The following CDH4 variants were observed in gnomAD, a reference collection of about 807,000 sequenced individuals.
CDH4 encodes cadherin 4.
In CDH4, 33 loss-of-function variants were observed where a neutral mutation model predicts 86.0. That is an observed-to-expected ratio of 0.38 (90% CI 0.29 to 0.51). The LOEUF (loss-of-function observed/expected upper bound fraction) is 0.51, where lower values mean the gene tolerates loss of function less well. CDH4 is among the 20% of genes least tolerant of loss of function. CDH4 has a pLI of 0.86. For synonymous variants in CDH4, 555 were observed against 549.4 expected (o/e 1.01, Z -0.14); for missense variants, 1,114 against 1,307.4 (o/e 0.85, Z 2.28).
intron 7 of CDH4, among the ~76,000 whole-genome samples, chr20:61,888,716 C>T (rs751479623): frequency 8.5e-5 from 13 of 152,330 alleles, no homozygotes; most frequent in African/African-American, 2.9e-4. Context: ...CAGCGGGCAT[C>T]GGGCTGATGT....
intron 2 of CDH4, among the ~76,000 whole-genome samples, chr20:61,353,415 C>T (rs913456962): frequency 3.3e-5 from 5 of 152,054 alleles, no homozygotes; most frequent in African/African-American, 4.8e-5. Flanking sequence ...ATAATGCCTG[C>T]GACTTTGGCC....
intron 2 of CDH4, among the ~76,000 whole-genome samples, chr20:61,350,947 T>A (rs1400229700): frequency 6.6e-6 from 1 of 152,220 alleles, no homozygotes; most frequent in Non-Finnish European, 1.5e-5. Flanking sequence ...ACCATCGCTC[T>A]AGGCTGAGCC....
chr20:61,738,653 C>T (rs2088295094), intron 2 of CDH4: 1 of 152,346 alleles, frequency 6.6e-6, no homozygotes, highest in African/African-American at 2.4e-5. Context: ...AGAAGGTTCC[C>T]TCAGGATGTG....
intron 2 of CDH4, among the ~76,000 whole-genome samples, chr20:61,404,554 C>T (rs1327329266): frequency 9.2e-5 from 14 of 152,104 alleles, no homozygotes; most frequent in African/African-American, 2.2e-4. Flanking sequence ...TGATTATTCC[C>T]GACGCCACTT....
intron 4 of CDH4, among the ~76,000 whole-genome samples, chr20:61,835,025 G>A (rs1371051650): frequency 2.0e-5 from 3 of 152,206 alleles, no homozygotes; most frequent in African/African-American, 4.8e-5. Flanking sequence ...AGTCCAGTGG[G>A]CGAGACAGAA....
In CDH4 at chr20:61,844,765, T is replaced by G; in HGVS notation, c.674T>G (p.Met225Arg). 7 of 1,614,024 alleles carry G rather than the reference T, an allele frequency of 4.3e-6. No individual in the cohort carries two copies. Among genetic ancestry groups the G allele is most frequent in the Non-Finnish European group, 5.9e-6 (7 of 1,179,932 alleles). Reference protein sequence around the residue: ...PPMEVFSIDSMSGRMYVTRPM... With the variant: ...PPMEVFSIDSRSGRMYVTRPM... ...ATGGAGGTCTTCAGCATTGACTCCA[T>G]GTCCGGCCGGATGTACGTCACAAGG... The change falls in exon 5 of 16, where the codon ATG (methionine) becomes AGG (arginine). Residue 225 changes from methionine to arginine, a missense_variant. This residue lies in a region of CDH4 where 705 missense variants were observed against 914.1 expected (regional missense o/e 0.77). Coordinates refer to ENST00000614565, the MANE Select transcript of CDH4 (RefSeq NM_001794.5).
intron 2 of CDH4, among the ~76,000 whole-genome samples, chr20:61,527,491 C>G (rs1451553421): frequency 6.6e-6 from 1 of 152,206 alleles, no homozygotes; most frequent in African/African-American, 2.4e-5. Flanking sequence ...CTCAATTGAT[C>G]TACCTGCCTC....
At chr20:61,864,709 G>C (rs911100757) in intron 6 of CDH4, among the ~76,000 whole-genome samples, 1 of 152,200 alleles carries the variant, frequency 6.6e-6, no homozygotes, top group Non-Finnish European at 1.5e-5. Flanking sequence ...CCGAGGGGGA[G>C]GTGGCCCCAG....
chr20:61,514,523 T>C (rs111290492), intron 2 of CDH4, among the ~76,000 whole-genome samples: 26 of 152,044 alleles, frequency 1.7e-4, no homozygotes, highest in African/African-American at 4.6e-4. Context: ...ATCATGTTAC[T>C]CATTTACTTC....
chr20:61,667,881 AC>A (rs761890044), intron 2 of CDH4, among the ~76,000 whole-genome samples: 23 of 152,166 alleles, frequency 1.5e-4, no homozygotes, highest in Non-Finnish European at 1.6e-4. Context: ...TAAAAGCAAG[AC>A]TGCAAGGCGG....
At position 61,252,701 on chromosome 20, in the gene CDH4, C is replaced by T; in HGVS notation, c.57+131C>T. On this transcript the variant is annotated intron_variant, in intron 1 of 15. Transcript: ENST00000614565. The surrounding 1 kb of genome is among the most constrained non-coding windows in gnomAD (Gnocchi z 4.4). ...CCCCCGCCGCGCTCCCCGCTGCATC[C>T]AGCCCGGCGCCCGCGCTCGGCGAAG... The T allele has an allele frequency of 1.7e-5, 7 of 423,160 alleles. No homozygotes were observed. Among genetic ancestry groups the T allele is most frequent in the Middle Eastern group, 8.1e-4 (1 of 1,234 alleles). The allele number at this position is 423,160 out of a possible 1,614,324, so 26.2% of individuals were successfully genotyped here.
intron 2 of CDH4, among the ~76,000 whole-genome samples, chr20:61,466,443 T>A (rs1171878844): frequency 6.6e-6 from 1 of 152,148 alleles, no homozygotes; most frequent in Admixed American, 6.5e-5. Flanking sequence ...AAGAAATACA[T>A]AACACGTGAC....
rs2087155660 is a variant in CDH4 at position 61,653,804 on chromosome 20, G to A, written c.170-89759G>A. Among the ~76,000 whole-genome samples, 5 of 94,444 alleles carry A rather than the reference G, an allele frequency of 5.3e-5. 1 individual carries two copies. In the East Asian group the frequency reaches 7.5e-4, roughly 14 times the overall value. 62.0% of individuals were successfully genotyped at this position (94,444 alleles called of 152,430 possible). A position where few individuals can be genotyped will look rare whatever the true frequency, so the allele number is the denominator to read the frequency against. ...AGACGATGGGCGGCCGGGCAGAGAC[G>A]CTCCTCACTTCCTAGATGGGATGGC... On this transcript the variant is annotated intron_variant, in intron 2 of 15. Transcript: ENST00000614565.
At chr20:61,694,756 C>T (rs1473319641) in intron 2 of CDH4, among the ~76,000 whole-genome samples, 2 of 152,220 alleles carry the variant, frequency 1.3e-5, no homozygotes, top group African/African-American at 2.4e-5. Flanking sequence ...GAAGCCACTC[C>T]TGTCTCCTGG....
At chr20:61,922,550 T>C (rs1617426) in intron 9 of CDH4, among the ~76,000 whole-genome samples, 2,967 of 152,298 alleles carry the variant, frequency 0.019, 78 homozygotes, top group African/African-American at 0.067. Flanking sequence ...GTTACAACAA[T>C]AGAACTGTCT....
At chr20:61,883,507 C>T (rs1218583722) in intron 7 of CDH4, among the ~76,000 whole-genome samples, 1 of 152,172 alleles carries the variant, frequency 6.6e-6, no homozygotes, top group Non-Finnish European at 1.5e-5. Context: ...AGAGAACGAC[C>T]CAGCCCCAGG....
Position 61,663,890 on chromosome 20 carries a change from C to A in CDH4, c.170-79673C>A, listed in dbSNP as rs1306542502. ...GCCCTGGCCCTCCACACTCCCACCGCTGGCGCCAGCATCTGTGCCCGCGGC... is the reference window on the plus strand; with the variant it reads ...GCCCTGGCCCTCCACACTCCCACCGATGGCGCCAGCATCTGTGCCCGCGGC... On this transcript the variant is annotated intron_variant, in intron 2 of 15. Transcript: ENST00000614565. The surrounding 1 kb of genome is among the most constrained non-coding windows in gnomAD (Gnocchi z 5.0). Among the ~76,000 whole-genome samples, 1 of 152,224 alleles carries A rather than the reference C, an allele frequency of 6.6e-6. No individual in the cohort carries two copies. The highest frequency in any genetic ancestry group is 1.5e-5 in the Non-Finnish European group (1 of 68,048).
chr20:61,271,931 G>A (rs1013991292), intron 2 of CDH4, among the ~76,000 whole-genome samples: 11 of 152,214 alleles, frequency 7.2e-5, no homozygotes, highest in African/African-American at 2.2e-4. Flanking sequence ...AAGGCAGCTC[G>A]CTGATTGGGG....
At chr20:61,904,808 C>G (rs1235832567) in intron 8 of CDH4, among the ~76,000 whole-genome samples, 1 of 152,264 alleles carries the variant, frequency 6.6e-6, no homozygotes, top group African/African-American at 2.4e-5. Context: ...AGCATAGGTG[C>G]CTTGGAGGCC....
Sources: gnomAD v4.1 joint callset for allele counts (sites outside exome capture counted in the v4.1 genomes callset) on GRCh38, gnomAD v4.1.1 for gene constraint, gnomAD v4.1.1 regional missense constraint, Gnocchi (gnomAD v3.1) non-coding constraint, MANE v1.5 for transcripts, NCBI Gene and HGNC (gene_info 2026-07-23, HGNC 2026-07-21) for gene names.